Variants in HPSE2 observed in about 807,000 individuals in gnomAD.
The protein encoded by HPSE2 is inactive heparanase-2.
In HPSE2, 38 loss-of-function variants were observed where a neutral mutation model predicts 60.5. The observed-to-expected ratio is 0.63, with a 90% CI of 0.48 to 0.82. The LOEUF is 0.82. Among genes scored for constraint, HPSE2 ranks in the 40% least tolerant of loss-of-function variants. HPSE2 has a pLI of 0.00. For missense variants in HPSE2, 713 were observed against 740.4 expected (o/e 0.96, Z 0.43); for synonymous variants, 295 against 293.2 (o/e 1.01, Z -0.06).
At chr10:99,001,806 T>G (rs1956783023) in intron 3 of HPSE2, among the ~76,000 whole-genome samples, 1 of 152,008 alleles carries the variant, frequency 6.6e-6, no homozygotes, top group Non-Finnish European at 1.5e-5. Flanking sequence ...TCCTAGAAAT[T>G]ATAATCCATC....
At chr10:99,041,846 C>G (rs1381471364) in intron 3 of HPSE2, among the ~76,000 whole-genome samples, 2 of 152,160 alleles carry the variant, frequency 1.3e-5, no homozygotes, top group African/African-American at 2.4e-5. Context: ...ATAGTCCCTG[C>G]TACCCTGAGG....
intron 3 of HPSE2, among the ~76,000 whole-genome samples, chr10:98,984,747 A>T (rs1199444004): frequency 2.0e-5 from 3 of 152,350 alleles, no homozygotes; most frequent in Admixed American, 6.5e-5. Flanking sequence ...CCTTGAAAAA[A>T]GATTAGAGGA....
chr10:98,539,147 G>A (rs1943380682), intron 9 of HPSE2, among the ~76,000 whole-genome samples: 1 of 152,172 alleles, frequency 6.6e-6, no homozygotes, highest in Non-Finnish European at 1.5e-5. Flanking sequence ...GTCCTCTCTT[G>A]TCAAACCATT....
At chr10:98,498,513 C>T (rs560115519) in intron 9 of HPSE2, among the ~76,000 whole-genome samples, 16 of 152,254 alleles carry the variant, frequency 1.1e-4, no homozygotes, top group African/African-American at 3.6e-4. Context: ...AGCTGTAGAC[C>T]TTCCTTCCCT....
chr10:98,960,729 T>TTTTTTTTTTTTTTTTTTTTTTTTTTTC (rs1955646451), intron 3 of HPSE2, among the ~76,000 whole-genome samples: 1 of 18,318 alleles, frequency 5.5e-5, no homozygotes, highest in African/African-American at 1.7e-4. Context: ...TTGTTTTATT[T>TTTTTTTTTTTTTTTTTTTTTTTTTTTC]TTTTTATTTT....
chr10:99,268,306 C>A, the HPSE2 span, among the ~76,000 whole-genome samples: 1 of 152,162 alleles, frequency 6.6e-6, no homozygotes, highest in Non-Finnish European at 1.5e-5. Flanking sequence ...AGCACTAAAT[C>A]TTGAAACAAA....
chr10:98,855,995 T>C (rs1952305102), intron 3 of HPSE2, among the ~76,000 whole-genome samples: 1 of 152,012 alleles, frequency 6.6e-6, no homozygotes, highest in African/African-American at 2.4e-5. Flanking sequence ...GAGGTAACCA[T>C]AGCAACAATA....
chr10:98,941,848 A>G (rs1422903250), intron 3 of HPSE2, among the ~76,000 whole-genome samples: 1 of 141,408 alleles, frequency 7.1e-6, no homozygotes, highest in East Asian at 2.0e-4. Context: ...GGCTACAGTA[A>G]CCAAAACAGC....
chr10:98,621,104 C>T (rs1353263545), intron 7 of HPSE2, among the ~76,000 whole-genome samples: 1 of 151,990 alleles, frequency 6.6e-6, no homozygotes, highest in East Asian at 1.9e-4. Context: ...ACACGTACTC[C>T]CTAAAAGCCA....
intron 9 of HPSE2, among the ~76,000 whole-genome samples, chr10:98,607,571 C>A (rs74713118): frequency 6.6e-6 from 1 of 152,122 alleles, no homozygotes; most frequent in African/African-American, 2.4e-5. Context: ...GCATCTTCTC[C>A]GGAGGGAAAT....
chr10:99,115,650 G>A (rs558034952), intron 3 of HPSE2, among the ~76,000 whole-genome samples: 3 of 152,080 alleles, frequency 2.0e-5, no homozygotes, highest in Non-Finnish European at 2.9e-5. Context: ...TGTACAATAC[G>A]TACAGTTTTT....
intron 5 of HPSE2, among the ~76,000 whole-genome samples, chr10:98,702,255 A>G (rs1479823375): frequency 1.3e-5 from 2 of 152,236 alleles, no homozygotes; most frequent in Non-Finnish European, 2.9e-5. Flanking sequence ...CAACAAGAAG[A>G]GCCAACTATC....
intron 3 of HPSE2, among the ~76,000 whole-genome samples, chr10:98,858,103 GCTAA>G (rs1439267908): frequency 2.0e-5 from 3 of 152,154 alleles, no homozygotes; most frequent in Admixed American, 6.5e-5. Flanking sequence ...TTATAGAGAA[GCTAA>G]CTGAGGCTCA....
chr10:99,244,382 T>TTTATTTTTA, the HPSE2 span, among the ~76,000 whole-genome samples: 1 of 134,158 alleles, frequency 7.5e-6, no homozygotes, highest in East Asian at 2.2e-4. Flanking sequence ...TTTTATTTCT[T>TTTATTTTTA]TTATTATTAT....
intron 9 of HPSE2, among the ~76,000 whole-genome samples, chr10:98,497,556 T>C (rs1007125547): frequency 1.3e-5 from 2 of 152,186 alleles, no homozygotes; most frequent in African/African-American, 4.8e-5. Flanking sequence ...TATTTCATTA[T>C]ACTTTTATTA....
At chr10:99,221,427 T>C (rs1849310720) in intron 2 of HPSE2, among the ~76,000 whole-genome samples, 2 of 152,112 alleles carry the variant, frequency 1.3e-5, no homozygotes, top group South Asian at 4.1e-4. Context: ...TGCCCTATAA[T>C]CTAGGAGTAG....
Position 99,047,955 on chromosome 10 carries a change from G to A in HPSE2, c.610+96283C>T, listed in dbSNP as rs186819420. 2.4e-4 allele frequency: 173 copies of A among 735,630 alleles called. 1 individual carries two copies. In the African/African-American group the frequency reaches 2.6e-3, roughly 11 times the overall value. The allele number at this position is 735,630 out of a possible 1,614,324, so 45.6% of individuals were successfully genotyped here. ...ATCGATGGTGTTAGCCCAAAGGTCC[G>A]AAAGATGTTTCCGTTTCTTTGCCTT... On this transcript the variant is annotated intron_variant, in intron 3 of 11. Coordinates refer to ENST00000370552, the MANE Select transcript of HPSE2 (RefSeq NM_021828.5).
rs1042695585 is a variant in HPSE2 at position 98,916,661 on chromosome 10, T to C, written c.611-172605A>G. Among the ~76,000 whole-genome samples the C allele has an allele frequency of 5.3e-5, 8 of 152,350 alleles. No individual in the cohort carries two copies. In the East Asian group the frequency reaches 1.3e-3, roughly 26 times the overall value. On this transcript the variant is annotated intron_variant, in intron 3 of 11. Coordinates refer to ENST00000370552, the MANE Select transcript of HPSE2 (RefSeq NM_021828.5). ...ACAGTTTCTGGTTCTGCTTACCATC[T>C]GCACAGATTTATTCCAAAGAACATA...
At chr10:99,120,255 A>C (rs950332846) in intron 3 of HPSE2, among the ~76,000 whole-genome samples, 2 of 152,244 alleles carry the variant, frequency 1.3e-5, no homozygotes, top group African/African-American at 4.8e-5. Context: ...CGATTTAAAA[A>C]AACCATTAAA....
Sources: gnomAD v4.1 joint callset for allele counts (sites outside exome capture counted in the v4.1 genomes callset) on GRCh38, gnomAD v4.1.1 for gene constraint, MANE v1.5 for transcripts, NCBI Gene and HGNC (gene_info 2026-07-23, HGNC 2026-07-21) for gene names.